NAALADL2: variants seen among roughly 807,000 people sequenced by gnomAD.
NAALADL2 encodes the protein N-acetylated alpha-linked acidic dipeptidase like 2.
NAALADL2 carries 76 observed loss-of-function variants against 87.2 expected under a neutral mutation model. That is an observed-to-expected ratio of 0.87 (90% CI 0.72 to 1.05). The LOEUF is 1.05. Among genes scored for constraint, NAALADL2 ranks in the 50% least tolerant of loss-of-function variants. NAALADL2 has a pLI of 0.00. For missense variants in NAALADL2, 1,089 were observed against 945.8 expected, an observed-to-expected ratio of 1.15 and a Z score of -1.99; for synonymous variants, 354 against 331.0, an observed-to-expected ratio of 1.07 and a Z score of -0.75.
intron 9 of NAALADL2, among the ~76,000 whole-genome samples, chr3:175,565,647 A>G (rs2149526225): frequency 6.6e-6 from 1 of 151,658 alleles, no homozygotes; most frequent in Middle Eastern, 3.4e-3. Flanking sequence ...AATTTCTCTT[A>G]TCTGTTCTCT....
chr3:175,196,240 C>G (rs1244137659), intron 2 of NAALADL2, among the ~76,000 whole-genome samples: 1 of 151,904 alleles, frequency 6.6e-6, no homozygotes, highest in African/African-American at 2.4e-5. Context: ...AAGTCCTGAT[C>G]ATAAACCTGA....
chr3:175,798,608 A>G (rs1266241472), intron 13 of NAALADL2, among the ~76,000 whole-genome samples: 2 of 152,148 alleles, frequency 1.3e-5, no homozygotes, highest in Middle Eastern at 3.4e-3. Context: ...TCCCCATTCC[A>G]TTGCATTGGC....
intron 1 of NAALADL2, among the ~76,000 whole-genome samples, chr3:174,882,949 A>C (rs1729612265): frequency 6.6e-6 from 1 of 151,610 alleles, no homozygotes; most frequent in Non-Finnish European, 1.5e-5. Flanking sequence ...CAGATTATTA[A>C]GCATTAACTC....
intron 1 of NAALADL2, among the ~76,000 whole-genome samples, chr3:174,948,498 G>A (rs1282330213): frequency 1.3e-5 from 2 of 152,106 alleles, no homozygotes; most frequent in Admixed American, 1.3e-4. Context: ...TTTTATGAAT[G>A]TTGAATTTAT....
At chr3:174,750,968 A>G (rs967020561) in intron 3 of NAALADL2, among the ~76,000 whole-genome samples, 15 of 152,048 alleles carry the variant, frequency 9.9e-5, no homozygotes, top group African/African-American at 3.6e-4. Flanking sequence ...ATATTCACAT[A>G]TATTCTATAA....
chr3:175,011,605 G>A (rs1208838252), intron 1 of NAALADL2, among the ~76,000 whole-genome samples: 1 of 152,140 alleles, frequency 6.6e-6, no homozygotes, highest in African/African-American at 2.4e-5. Flanking sequence ...CAGCTTAATT[G>A]TTCACTGAAA....
At chr3:175,433,582 G>A (rs139128379) in intron 5 of NAALADL2, among the ~76,000 whole-genome samples, 47 of 152,032 alleles carry the variant, frequency 3.1e-4, no homozygotes, top group South Asian at 8.3e-4. Context: ...TATGGCCTTC[G>A]CTGTGACTTC....
At chr3:175,433,994 C>CTA (rs1163894559) in intron 5 of NAALADL2, among the ~76,000 whole-genome samples, 1 of 151,914 alleles carries the variant, frequency 6.6e-6, no homozygotes, top group Non-Finnish European at 1.5e-5. Flanking sequence ...TCTTCTCTCA[C>CTA]TATATACCAT....
intron 3 of NAALADL2, among the ~76,000 whole-genome samples, chr3:174,823,405 A>T (rs1253030914): frequency 6.6e-6 from 1 of 152,224 alleles, no homozygotes; most frequent in Non-Finnish European, 1.5e-5. Flanking sequence ...TTGCTGGAGC[A>T]TGAGGCTGCA....
At chr3:174,665,504 T>C (rs488776) in intron 2 of NAALADL2, among the ~76,000 whole-genome samples, 98,178 of 152,026 alleles carry the variant, frequency 0.65, 32,388 homozygotes, top group Admixed American at 0.73. Context: ...TTATTCTTCA[T>C]AATGCAATTA....
intron 1 of NAALADL2, among the ~76,000 whole-genome samples, chr3:174,445,636 A>G (rs1257407456): frequency 2.6e-5 from 4 of 152,168 alleles, no homozygotes; most frequent in South Asian, 4.1e-4. Flanking sequence ...ACACATATAT[A>G]ACTATTAGAT....
chr3:175,206,263 T>TATATATATATATA (rs1553812240), intron 2 of NAALADL2, among the ~76,000 whole-genome samples: 1 of 75,712 alleles, frequency 1.3e-5, no homozygotes, highest in Non-Finnish European at 2.5e-5. Context: ...TATATATATA[T>TATATATATATATA]TTTTTTTTTT....
intron 1 of NAALADL2, among the ~76,000 whole-genome samples, chr3:174,515,177 T>C (rs1225459340): frequency 1.3e-5 from 2 of 152,104 alleles, no homozygotes; most frequent in African/African-American, 4.8e-5. Flanking sequence ...GGGAGATGCA[T>C]GTATATAGGA....
Position 174,830,448 on chromosome 3 carries a change from C to T in NAALADL2, c.-9+92702C>T, listed in dbSNP as rs547071108. ...AGATATGCGGTGTTATTTCTGAGGGCTCTGTTCTTTTCCATTGATCTATAT... is the reference window on the plus strand; with the variant it reads ...AGATATGCGGTGTTATTTCTGAGGGTTCTGTTCTTTTCCATTGATCTATAT... On this transcript the variant is annotated intron_variant, in intron 3 of 3. Transcript: ENST00000434257. Among the ~76,000 whole-genome samples the T allele has an allele frequency of 5.3e-4, 81 of 152,096 alleles. 1 individual carries two copies. In the Middle Eastern group the frequency reaches 0.037, roughly 70 times the overall value.
intron 10 of NAALADL2, among the ~76,000 whole-genome samples, chr3:175,617,578 CTCTG>C (rs1366993184): frequency 6.6e-6 from 1 of 152,170 alleles, no homozygotes; most frequent in Non-Finnish European, 1.5e-5. Context: ...CCATTAGAGC[CTCTG>C]TCTTTTTCTT....
At chr3:174,654,710 T>C (rs1183920545) in intron 2 of NAALADL2, among the ~76,000 whole-genome samples, 2 of 152,182 alleles carry the variant, frequency 1.3e-5, no homozygotes, top group Non-Finnish European at 2.9e-5. Context: ...AACCAGTTTA[T>C]GAGCCTTGTA....
chr3:175,670,810 C>T (rs77343253), intron 11 of NAALADL2, among the ~76,000 whole-genome samples: 7,050 of 151,018 alleles, frequency 0.047, 216 homozygotes, highest in South Asian at 0.13. Flanking sequence ...TAAAGTACAT[C>T]ATTCATGAAG....
chr3:174,728,969 AG>A (rs1732453520), intron 2 of NAALADL2, among the ~76,000 whole-genome samples: 1 of 152,114 alleles, frequency 6.6e-6, no homozygotes, highest in Non-Finnish European at 1.5e-5. Flanking sequence ...AAAGCCTAGA[AG>A]GCTAAAGCTA....
chr3:175,426,997 A>C (rs1267075258), intron 5 of NAALADL2, among the ~76,000 whole-genome samples: 2 of 152,168 alleles, frequency 1.3e-5, no homozygotes, highest in East Asian at 3.9e-4. Flanking sequence ...GAGTTTCTGT[A>C]GGTAATCATT....
Sources: allele counts gnomAD v4.1 joint callset (sites outside exome capture counted in the v4.1 genomes callset), GRCh38; gene constraint gnomAD v4.1.1; transcripts MANE v1.5; gene names NCBI Gene and HGNC (gene_info 2026-07-23, HGNC 2026-07-21).